The following GALNT9 variants were observed in gnomAD, a reference collection of about 807,000 sequenced individuals.
The protein encoded by GALNT9 is polypeptide N-acetylgalactosaminyltransferase 9.
Under a neutral mutation model 63.1 loss-of-function variants are expected in GALNT9, and 47 were observed. That is an observed-to-expected ratio of 0.75 (90% CI 0.59 to 0.95). GALNT9 has a LOEUF of 0.95. Among genes scored for constraint, GALNT9 ranks in the 40% least tolerant of loss-of-function variants. The pLI is 0.00. For missense variants in GALNT9, 829 were observed against 874.8 expected, an observed-to-expected ratio of 0.95 and a Z score of 0.66; for synonymous variants, 396 against 365.7, an observed-to-expected ratio of 1.08 and a Z score of -0.94.
At chr12:132,313,013 C>CTATA (rs1226979609) in intron 1 of GALNT9, among the ~76,000 whole-genome samples, 1 of 152,098 alleles carries the variant, frequency 6.6e-6, no homozygotes, top group Non-Finnish European at 1.5e-5. Flanking sequence ...TGTCCTCACT[C>CTATA]TATAGAGTCT....
rs1176428804 is a variant in GALNT9 at position 132,319,366 on chromosome 12, C to T, written c.238+9600G>A. On this transcript the variant is annotated intron_variant, in intron 1 of 10. Coordinates refer to ENST00000328957, the MANE Select transcript of GALNT9 (RefSeq NM_001122636.2). The surrounding 1 kb of genome is among the most constrained non-coding windows in gnomAD (Gnocchi z 5.2). ...CTGTGTGAGCTGAGACCTCCCTCTG[C>T]TCCTGCCTGTGGACATCGGGTGGAG... Among the ~76,000 whole-genome samples the T allele has an allele frequency of 3.3e-5, 5 of 152,174 alleles. No homozygotes were observed. Among genetic ancestry groups the T allele is most frequent in the African/African-American group, 1.2e-4 (5 of 41,446 alleles).
chr12:132,257,693 T>A lies in GALNT9; in HGVS notation c.955A>T (p.Ile319Phe). 1 of 1,548,698 alleles carries A rather than the reference T, an allele frequency of 6.5e-7. No individual in the cohort carries two copies. The highest frequency in any genetic ancestry group is 8.7e-7 in the Non-Finnish European group (1 of 1,146,082). The change falls in exon 5 of 11, where the codon ATC becomes TTC. Residue 319 changes from isoleucine to phenylalanine, a missense_variant. Ile to Phe is a conservative substitution (Grantham distance 21, BLOSUM62 0). Coordinates refer to ENST00000328957, the MANE Select transcript of GALNT9 (RefSeq NM_001122636.2). Reference sequence around the variant, plus strand: ...ACCCCTGAGGGCGCAGCTCACCTGATGGGTGCTGACTCGTCGCCGCGGTCC... The same window carrying A: ...ACCCCTGAGGGCGCAGCTCACCTGAAGGGTGCTGACTCGTCGCCGCGGTCC... The part of the protein sequence containing the change: ...WLDRGDESAP[I>F]RTPAMIGCSF...
rs1392370779 is a variant in GALNT9, at chr12:132,290,583, G to A, written c.239-4153C>T. On this transcript the variant is annotated intron_variant, in intron 1 of 10. Transcript: ENST00000328957. ...CGTCCACACCACCCACATCCACAGCGCCCACATCCACAGCACCCACAACCA... is the reference window on the plus strand; with the variant it reads ...CGTCCACACCACCCACATCCACAGCACCCACATCCACAGCACCCACAACCA... Among the ~76,000 whole-genome samples, 149 of 110,544 alleles carry A rather than the reference G, an allele frequency of 1.3e-3. 1 individual carries two copies. The highest frequency in any genetic ancestry group is 3.5e-3 in the East Asian group (12 of 3,452). 72.5% of individuals were successfully genotyped at this position (110,544 alleles called of 152,430 possible). A position where few individuals can be genotyped will look rare whatever the true frequency, so the allele number is the denominator to read the frequency against.
chr12:132,197,084 T>TG lies in GALNT9; in HGVS notation c.*22dup, dbSNP rs1875557540. On this transcript the variant is annotated 3_prime_UTR_variant, in exon 11 of 11. Transcript: ENST00000328957. ...CGGCCCAGCGCCTTCCCGAGGTCTGTGGGGGTCCGGGCGGAGGTGGGGTCA... is the reference window on the plus strand; with the variant it reads ...CGGCCCAGCGCCTTCCCGAGGTCTGTGGGGGGTCCGGGCGGAGGTGGGGTCA... 1.9e-6 allele frequency: 3 copies of TG among 1,612,710 alleles called. No individual in the cohort carries two copies. The highest frequency in any genetic ancestry group is 2.5e-6 in the Non-Finnish European group (3 of 1,179,224).
chr12:132,268,461 A>C (rs1879739835), intron 2 of GALNT9, among the ~76,000 whole-genome samples: 1 of 152,238 alleles, frequency 6.6e-6, no homozygotes, highest in Non-Finnish European at 1.5e-5. Flanking sequence ...GGAATAGAGG[A>C]GAAAGTCTTT....
chr12:132,214,913 G>A lies in GALNT9; in HGVS notation c.1078-11223C>T, dbSNP rs1303329583. On this transcript the variant is annotated intron_variant, in intron 6 of 10. Transcript: ENST00000328957. ...CTTGCAGAGCAGGGGATGCACACCC[G>A]TCACAGAGGCCCATCTCACTGTTCT... Among the ~76,000 whole-genome samples the A allele has an allele frequency of 1.1e-4, 16 of 152,336 alleles. 1 individual carries two copies. The highest frequency in any genetic ancestry group is 3.3e-4 in the Admixed American group (5 of 15,304).
At chr12:132,294,214 T>A (rs563595752) in intron 1 of GALNT9, among the ~76,000 whole-genome samples, 1 of 152,308 alleles carries the variant, frequency 6.6e-6, no homozygotes, top group African/African-American at 2.4e-5. Flanking sequence ...GAGCTGTCCC[T>A]GGAGCAGGTG....
intron 1 of GALNT9, among the ~76,000 whole-genome samples, chr12:132,312,376 C>T (rs1458646268): frequency 4.6e-5 from 7 of 152,266 alleles, no homozygotes; most frequent in Admixed American, 1.3e-4. Flanking sequence ...GAACAACCCA[C>T]GGCTGCTCCA....
At chr12:132,239,139 G>A (rs1034622020) in intron 6 of GALNT9, among the ~76,000 whole-genome samples, 2 of 151,886 alleles carry the variant, frequency 1.3e-5, no homozygotes, top group Admixed American at 6.6e-5. Context: ...TGTGGGGGTG[G>A]GGGCCACACA....
rs529986788 is a variant in GALNT9 at position 132,246,150 on chromosome 12, G to A, written c.1077+1760C>T. 6.6e-6 allele frequency among the ~76,000 whole-genome samples: 1 copy of A among 152,350 alleles called. No individual in the cohort carries two copies. Among genetic ancestry groups the A allele is most frequent in the African/African-American group, 2.4e-5 (1 of 41,580 alleles). On this transcript the variant is annotated intron_variant, in intron 6 of 10. Transcript: ENST00000328957. This position sits in a 1 kb window ranked among gnomAD's most constrained non-coding sequence, Gnocchi z 4.7. Reference sequence around the variant, plus strand: ...GGTGCGTTCAATCCACGGCCGACCCGCCAAGGTCTGGTGTTTAACAATCAC... The same window carrying A: ...GGTGCGTTCAATCCACGGCCGACCCACCAAGGTCTGGTGTTTAACAATCAC...
rs782445557 is a variant in GALNT9, at chr12:132,286,229, G to A, written c.419+21C>T. The A allele has an allele frequency of 1.3e-6, 2 of 1,539,534 alleles. No homozygotes were observed. Among genetic ancestry groups the A allele is most frequent in the Non-Finnish European group, 1.8e-6 (2 of 1,139,114 alleles). ...ACTTCCTCGGCGGGCGTCGGGGGAT[G>A]GGGGGCAGTCACTCACTCACTTTCT... On this transcript the variant is annotated intron_variant, in intron 2 of 10. Transcript: ENST00000328957. This position sits in a 1 kb window ranked among gnomAD's most constrained non-coding sequence, Gnocchi z 7.4.
chr12:132,230,171 C>G (rs888534514), intron 6 of GALNT9, among the ~76,000 whole-genome samples: 3 of 152,254 alleles, frequency 2.0e-5, no homozygotes, highest in African/African-American at 7.2e-5. Context: ...AGGCCGCGCA[C>G]AGCCACCTGC....
rs912187119 is a variant in GALNT9, at chr12:132,252,744, G to A, written c.960-4717C>T. 2.6e-5 allele frequency among the ~76,000 whole-genome samples: 4 copies of A among 152,184 alleles called. No individual in the cohort carries two copies. The highest frequency in any genetic ancestry group is 4.8e-5 in the African/African-American group (2 of 41,450). On this transcript the variant is annotated intron_variant, in intron 5 of 10. Transcript: ENST00000328957. The surrounding 1 kb of genome is among the most constrained non-coding windows in gnomAD (Gnocchi z 5.2). Reference sequence around the variant, plus strand: ...AAATACCAAAAAAAATTAGCCAGGCGTGCTGGCACATGCCTGTAATCCCAG... The same window carrying A: ...AAATACCAAAAAAAATTAGCCAGGCATGCTGGCACATGCCTGTAATCCCAG...
chr12:132,236,795 C>A lies in GALNT9; in HGVS notation c.1077+11115G>T, dbSNP rs2136895000. Among the ~76,000 whole-genome samples, 84 of 152,286 alleles carry A rather than the reference C, an allele frequency of 5.5e-4. 1 individual carries two copies. Among genetic ancestry groups the A allele is most frequent in the African/African-American group, 1.8e-3 (74 of 41,554 alleles). ...CCCCCAATTTCAAGTCAGTGGTGATCCCTGTGGTCTATCCTGGGCATGGCG... is the reference window on the plus strand; with the variant it reads ...CCCCCAATTTCAAGTCAGTGGTGATACCTGTGGTCTATCCTGGGCATGGCG... On this transcript the variant is annotated intron_variant, in intron 6 of 10. Transcript: ENST00000328957. This position sits in a 1 kb window ranked among gnomAD's most constrained non-coding sequence, Gnocchi z 5.6.
At chr12:132,237,098 C>T (rs1244720816) in intron 6 of GALNT9, among the ~76,000 whole-genome samples, 1 of 152,006 alleles carries the variant, frequency 6.6e-6, no homozygotes, top group African/African-American at 2.4e-5. Flanking sequence ...CAGTGTGGAG[C>T]GGCCAGGTCT....
rs111570182 is a variant in GALNT9, at chr12:132,201,091, C to G, written c.1401+33G>C. 23 of 1,602,644 alleles carry G rather than the reference C, an allele frequency of 1.4e-5. No homozygotes were observed. The Admixed American group carries it at 3.0e-4, about 21-fold the overall frequency. ...GCAGGAGTCAGGGCAGAAAGCCTGT[C>G]GGGCCGAACGGGGCCCTCGGGGGAG... On this transcript the variant is annotated intron_variant, in intron 8 of 10. Coordinates refer to ENST00000328957, the MANE Select transcript of GALNT9 (RefSeq NM_001122636.2).
At chr12:132,270,201 C>A (rs781866068) in intron 2 of GALNT9, among the ~76,000 whole-genome samples, 2 of 152,238 alleles carry the variant, frequency 1.3e-5, no homozygotes, top group East Asian at 3.8e-4. Context: ...ACTATGGAAT[C>A]AATAACCACT....
At position 132,236,438 on chromosome 12, in the gene GALNT9, C is replaced by G. The variant is rs1003827096; in HGVS notation, c.1077+11472G>C. Among the ~76,000 whole-genome samples, 1 of 152,136 alleles carries G rather than the reference C, an allele frequency of 6.6e-6. No homozygotes were observed. Among genetic ancestry groups the G allele is most frequent in the Admixed American group, 6.5e-5 (1 of 15,288 alleles). On this transcript the variant is annotated intron_variant, in intron 6 of 10. Transcript: ENST00000328957. The surrounding 1 kb of genome is among the most constrained non-coding windows in gnomAD (Gnocchi z 5.6). Reference sequence around the variant, plus strand: ...ACAGCGTCTGCGGAGCTCCCTGAGGCCCCATAGCACCTGTCATCACGGCTG... The same window carrying G: ...ACAGCGTCTGCGGAGCTCCCTGAGGGCCCATAGCACCTGTCATCACGGCTG...
chr12:132,305,174 C>G (rs1555244505), intron 1 of GALNT9, among the ~76,000 whole-genome samples: 2 of 53,588 alleles, frequency 3.7e-5, no homozygotes, highest in Non-Finnish European at 3.3e-5. Context: ...CAGCCTCGCC[C>G]GGGCACACGC....
Sources: allele counts gnomAD v4.1 joint callset (sites outside exome capture counted in the v4.1 genomes callset), GRCh38; gene constraint gnomAD v4.1.1; non-coding constraint Gnocchi (gnomAD v3.1); transcripts MANE v1.5; gene names NCBI Gene and HGNC (gene_info 2026-07-23, HGNC 2026-07-21).